The following STARD13 variants were observed in gnomAD, a reference collection of about 807,000 sequenced individuals.
STARD13 encodes stAR-related lipid transfer protein 13.
Under a neutral mutation model 106.4 loss-of-function variants are expected in STARD13, and 62 were observed. That is an observed-to-expected ratio of 0.58 (90% CI 0.48 to 0.72). STARD13 has a LOEUF of 0.72. Ranked by LOEUF, STARD13 falls within the 30% of genes least tolerant of loss-of-function variation. The pLI, the probability that STARD13 is intolerant of heterozygous loss-of-function variation, is 0.00. For missense variants in STARD13, 1,387 were observed against 1,424.0 expected (o/e 0.97, Z 0.42); for synonymous variants, 565 against 553.0 (o/e 1.02, Z -0.31).
At chr13:33,464,393 T>C in the STARD13 span, among the ~76,000 whole-genome samples, 2 of 152,276 alleles carry the variant, frequency 1.3e-5, no homozygotes, top group East Asian at 1.9e-4. Context: ...CATATGTTGC[T>C]CCAAAACCTT....
At chr13:33,574,902 A>G in the STARD13 span, among the ~76,000 whole-genome samples, 1 of 148,740 alleles carries the variant, frequency 6.7e-6, no homozygotes, top group African/African-American at 2.5e-5. Context: ...CAGTGATGTT[A>G]TATGCATCTA....
At chr13:33,121,533 A>C (rs1179741258) in intron 7 of STARD13, among the ~76,000 whole-genome samples, 2 of 150,430 alleles carry the variant, frequency 1.3e-5, no homozygotes, top group African/African-American at 4.9e-5. Context: ...GTGCCACTGC[A>C]CTCTAGCCTG....
the STARD13 span, among the ~76,000 whole-genome samples, chr13:33,432,524 C>A: frequency 7.9e-5 from 12 of 152,174 alleles, no homozygotes; most frequent in South Asian, 8.3e-4. Context: ...ACCAATATTT[C>A]CAAAGACTGA....
chr13:33,482,289 C>A, the STARD13 span, among the ~76,000 whole-genome samples: 1 of 152,116 alleles, frequency 6.6e-6, no homozygotes, highest in African/African-American at 2.4e-5. Flanking sequence ...ACTCTTCTAT[C>A]TAGTCTTGCT....
chr13:33,651,959 A>G, the STARD13 span, among the ~76,000 whole-genome samples: 1 of 152,214 alleles, frequency 6.6e-6, no homozygotes, highest in Non-Finnish European at 1.5e-5. Flanking sequence ...GGCGAATATC[A>G]ACAAGTGACT....
At chr13:33,433,431 A>C in the STARD13 span, among the ~76,000 whole-genome samples, 2 of 152,216 alleles carry the variant, frequency 1.3e-5, no homozygotes, top group Non-Finnish European at 2.9e-5. Flanking sequence ...ATTGGGTTCC[A>C]GAGGAAGATG....
At chr13:33,390,875 A>T in the STARD13 span, among the ~76,000 whole-genome samples, 2 of 152,162 alleles carry the variant, frequency 1.3e-5, no homozygotes, top group Non-Finnish European at 2.9e-5. Context: ...TTTCTCCTCT[A>T]GATAAGTTTA....
chr13:33,385,703 T>C, the STARD13 span, among the ~76,000 whole-genome samples: 1 of 151,232 alleles, frequency 6.6e-6, no homozygotes, highest in African/African-American at 2.4e-5. Flanking sequence ...CTACTAAAAC[T>C]ACAAAAATTA....
chr13:33,574,999 CTCTGCCTCTCAGGT>C, the STARD13 span, among the ~76,000 whole-genome samples: 1 of 149,586 alleles, frequency 6.7e-6, no homozygotes. Flanking sequence ...TCACTGCAAC[CTCTGCCTCTCAGGT>C]TCAAGTGATT....
the STARD13 span, among the ~76,000 whole-genome samples, chr13:33,494,035 A>G: frequency 6.6e-6 from 1 of 152,008 alleles, no homozygotes; most frequent in African/African-American, 2.4e-5. Flanking sequence ...TCATCAAGAT[A>G]CCTGATTACC....
At chr13:33,263,136 A>C (rs1890731560) in intron 1 of STARD13, among the ~76,000 whole-genome samples, 1 of 152,124 alleles carries the variant, frequency 6.6e-6, no homozygotes, top group African/African-American at 2.4e-5. Context: ...AGCGTTTCTC[A>C]ACAGTGGCAC....
At chr13:33,658,014 T>C in the STARD13 span, among the ~76,000 whole-genome samples, 218 of 152,332 alleles carry the variant, frequency 1.4e-3, 1 homozygote, top group African/African-American at 5.1e-3. Flanking sequence ...ATCAGCCATC[T>C]CCAGAACTTT....
chr13:33,217,602 C>T lies in STARD13; in HGVS notation c.170-49980G>A, dbSNP rs142188256. On this transcript the variant is annotated intron_variant, in intron 1 of 13. Transcript: ENST00000336934. ...ATGCGGCCTGGCCTTCTCCACTTAGCGCTGCATGAGCTCACTGGGCTGGCA... is the reference window on the plus strand; with the variant it reads ...ATGCGGCCTGGCCTTCTCCACTTAGTGCTGCATGAGCTCACTGGGCTGGCA... 3.0e-3 allele frequency among the ~76,000 whole-genome samples: 463 copies of T among 152,184 alleles called. 3 individuals are homozygous for T. Among genetic ancestry groups the T allele is most frequent in the Middle Eastern group, 6.8e-3 (2 of 294 alleles).
At chr13:33,110,649 T>C in intron 11 of STARD13, 37 bp downstream of exon 11, 4 of 1,566,026 alleles carry the variant, frequency 2.6e-6, no homozygotes, top group Non-Finnish European at 3.5e-6. Flanking sequence ...TAGCTGTGGC[T>C]TTCTGGGGGT....
At chr13:33,405,710 G>A in the STARD13 span, among the ~76,000 whole-genome samples, 1 of 152,194 alleles carries the variant, frequency 6.6e-6, no homozygotes, top group Admixed American at 6.5e-5. Context: ...TATATACAAA[G>A]ATATGGGCAT....
the STARD13 span, among the ~76,000 whole-genome samples, chr13:33,389,018 C>A: frequency 2.7e-5 from 4 of 146,506 alleles, no homozygotes; most frequent in East Asian, 2.0e-4. Context: ...TGCTATGGTG[C>A]AACCTTGGCT....
the STARD13 span, among the ~76,000 whole-genome samples, chr13:33,504,466 G>T: frequency 6.6e-6 from 1 of 152,190 alleles, no homozygotes; most frequent in Non-Finnish European, 1.5e-5. Context: ...GGACACGGAT[G>T]AAACTGGAAA....
intron 1 of STARD13, among the ~76,000 whole-genome samples, chr13:33,336,949 T>A (rs1258121376): frequency 1.3e-5 from 2 of 152,030 alleles, no homozygotes; most frequent in Non-Finnish European, 2.9e-5. Context: ...AGACTGCAAT[T>A]ATTTTTGCAC....
chr13:33,201,077 A>G (rs533872187), intron 1 of STARD13, among the ~76,000 whole-genome samples: 1 of 141,044 alleles, frequency 7.1e-6, no homozygotes, highest in East Asian at 1.9e-4. Flanking sequence ...AAATAAAAAT[A>G]AAAAAATAAA....
Sources: allele counts gnomAD v4.1 joint callset (sites outside exome capture counted in the v4.1 genomes callset), GRCh38; gene constraint gnomAD v4.1.1; transcripts MANE v1.5; gene names NCBI Gene and HGNC (gene_info 2026-07-23, HGNC 2026-07-21).